Variants in TNR observed in about 807,000 individuals in gnomAD.
TNR encodes tenascin-R.
In TNR, 45 loss-of-function variants were observed where a neutral mutation model predicts 150.4. The ratio of observed to expected loss-of-function variants is 0.30; its 90% CI spans 0.24 to 0.38. The LOEUF is 0.38. Among genes scored for constraint, TNR ranks in the 10% least tolerant of loss-of-function variants. The pLI is 1.00. For missense variants in TNR, 1,544 were observed against 1,759.1 expected (o/e 0.88, Z 2.19); for synonymous variants, 687 against 678.4 (o/e 1.01, Z -0.20).
At chr1:175,740,284 A>T (rs901019291) in intron 1 of TNR, among the ~76,000 whole-genome samples, 1 of 152,240 alleles carries the variant, frequency 6.6e-6, no homozygotes, top group African/African-American at 2.4e-5. Flanking sequence ...TCAGAAAGTG[A>T]TGGTGTTGGG....
intron 2 of TNR, among the ~76,000 whole-genome samples, chr1:175,425,167 T>A (rs1277991432): frequency 6.6e-6 from 1 of 152,108 alleles, no homozygotes; most frequent in Non-Finnish European, 1.5e-5. Flanking sequence ...GGTGTGGAGC[T>A]TGGGAATCAT....
At chr1:175,337,706 A>AAAGGAT in intron 18 of TNR, 27 bp from the exon 19 acceptor site, 2 of 1,612,436 alleles carry the variant, frequency 1.2e-6, no homozygotes, top group Non-Finnish European at 1.7e-6. Flanking sequence ...CAATGTCCAG[A>AAAGGAT]AAGGATTCTT....
intron 2 of TNR, among the ~76,000 whole-genome samples, chr1:175,407,696 C>CTGTTGGATTTACTGTTGGAG (rs1395551110): frequency 6.6e-6 from 1 of 152,212 alleles, no homozygotes; most frequent in Non-Finnish European, 1.5e-5. Context: ...CTAGGATTTA[C>CTGTTGGATTTACTGTTGGAG]TGTATTTGCA....
intron 1 of TNR, among the ~76,000 whole-genome samples, chr1:175,533,113 C>T (rs1277463862): frequency 3.9e-5 from 6 of 152,198 alleles, no homozygotes; most frequent in Non-Finnish European, 2.9e-5. Flanking sequence ...AAAGACATTT[C>T]TCTTTCTTGT....
chr1:175,612,212 C>G (rs1663620927), intron 1 of TNR, among the ~76,000 whole-genome samples: 1 of 152,156 alleles, frequency 6.6e-6, no homozygotes, highest in African/African-American at 2.4e-5. Context: ...CTCTGTTAAT[C>G]TCAGAGGTTA....
intron 1 of TNR, among the ~76,000 whole-genome samples, chr1:175,622,585 A>G (rs186121134): frequency 1.3e-5 from 2 of 152,336 alleles, no homozygotes; most frequent in African/African-American, 4.8e-5. Context: ...CGCATGTTTA[A>G]GGCCCCAGTA....
At chr1:175,731,928 T>C (rs564246640) in intron 1 of TNR, among the ~76,000 whole-genome samples, 5 of 152,364 alleles carry the variant, frequency 3.3e-5, no homozygotes, top group Non-Finnish European at 5.9e-5. Flanking sequence ...GGTTTGCTGC[T>C]GTGTCTGGCA....
At chr1:175,385,464 A>C (rs1390465532) in intron 8 of TNR, among the ~76,000 whole-genome samples, 2 of 152,220 alleles carry the variant, frequency 1.3e-5, no homozygotes, top group African/African-American at 4.8e-5. Flanking sequence ...TGTGGGAGTC[A>C]GCCTCATATT....
intron 1 of TNR, among the ~76,000 whole-genome samples, chr1:175,562,028 C>T (rs761745035): frequency 4.6e-5 from 7 of 152,142 alleles, no homozygotes; most frequent in Non-Finnish European, 1.0e-4. Flanking sequence ...GACTTCCTGC[C>T]ATCACCTGTG....
At chr1:175,481,866 T>C (rs1657823610) in intron 2 of TNR, among the ~76,000 whole-genome samples, 1 of 152,124 alleles carries the variant, frequency 6.6e-6, no homozygotes, top group Non-Finnish European at 1.5e-5. Flanking sequence ...CAGAAAGCAC[T>C]GTCCTGCTGC....
Position 175,641,997 on chromosome 1 carries a change from T to C in TNR, c.-165+101229A>G, listed in dbSNP as rs184670760. Among the ~76,000 whole-genome samples, 139 of 152,302 alleles carry C rather than the reference T, an allele frequency of 9.1e-4. 1 individual carries two copies. The highest frequency in any genetic ancestry group is 3.3e-3 in the African/African-American group (136 of 41,568). On this transcript the variant is annotated intron_variant, in intron 1 of 22. Coordinates refer to ENST00000367674, the MANE Select transcript of TNR (RefSeq NM_003285.3). Reference sequence around the variant, plus strand: ...ATGATGATTAATAAAACCCTGTCCCTGCTATCAAGTAGGTCATAATCAGAG... The same window carrying C: ...ATGATGATTAATAAAACCCTGTCCCCGCTATCAAGTAGGTCATAATCAGAG...
intron 2 of TNR, among the ~76,000 whole-genome samples, chr1:175,458,821 T>C (rs1031645272): frequency 2.0e-5 from 3 of 152,162 alleles, no homozygotes; most frequent in African/African-American, 7.2e-5. Context: ...GCAAAGATTA[T>C]ATTGTTACAC....
At chr1:175,718,883 G>GT (rs1172609368) in intron 1 of TNR, among the ~76,000 whole-genome samples, 1 of 152,190 alleles carries the variant, frequency 6.6e-6, no homozygotes, top group Non-Finnish European at 1.5e-5. Flanking sequence ...CTTAGACTCT[G>GT]TTGGTGCTGG....
Position 175,370,760 on chromosome 1 carries a change from C to T in TNR, c.1964-3463G>A, listed in dbSNP as rs553857699. On this transcript the variant is annotated intron_variant, in intron 9 of 22. Transcript: ENST00000367674. ...ATTCTCCAACATAGATGAAGGGTGA[C>T]AGATGGAGGGAGTAAGACAGAAATT... is the stretch of plus-strand genomic sequence containing the variant. Among the ~76,000 whole-genome samples, 10 of 152,246 alleles carry T rather than the reference C, an allele frequency of 6.6e-5. 1 individual carries two copies. In the Middle Eastern group the frequency reaches 0.017, roughly 259 times the overall value.
At chr1:175,373,449 T>C (rs951844770) in intron 9 of TNR, among the ~76,000 whole-genome samples, 3 of 152,200 alleles carry the variant, frequency 2.0e-5, no homozygotes, top group Non-Finnish European at 4.4e-5. Flanking sequence ...CTTTGGATAA[T>C]GACAGGTGCA....
intron 1 of TNR, among the ~76,000 whole-genome samples, chr1:175,595,345 T>C (rs1662967399): frequency 1.3e-5 from 2 of 152,180 alleles, no homozygotes; most frequent in South Asian, 2.1e-4. Context: ...CCAAATAAGA[T>C]GCAAAAGCAA....
rs535627596 is a variant in TNR at position 175,347,100 on chromosome 1, T to C, written c.3382+7291A>G. On this transcript the variant is annotated intron_variant, in intron 18 of 22. Transcript: ENST00000367674. Reference sequence around the variant, plus strand: ...GTAGCTAACCATATATAACAGTGCATTAACAAATCATATTCAGGAGAGATT... The same window carrying C: ...GTAGCTAACCATATATAACAGTGCACTAACAAATCATATTCAGGAGAGATT... 5.3e-5 allele frequency among the ~76,000 whole-genome samples: 8 copies of C among 152,268 alleles called. No homozygotes were observed. The East Asian group carries it at 1.3e-3, about 26-fold the overall frequency.
chr1:175,560,954 A>G lies in TNR; in HGVS notation c.-164-32585T>C, dbSNP rs144768221. The stretch of plus-strand genomic sequence containing the variant: ...TGTTGAAAGATCTTGCCTTTTGGTA[A>G]AGAAACAAAATACTTGAGTGATTCT... On this transcript the variant is annotated intron_variant, in intron 1 of 22. Transcript: ENST00000367674. Among the ~76,000 whole-genome samples the G allele has an allele frequency of 5.4e-4, 83 of 152,312 alleles. No individual in the cohort carries two copies. The Middle Eastern group carries it at 0.02, about 37-fold the overall frequency.
At chr1:175,737,499 G>A (rs1187091942) in intron 1 of TNR, among the ~76,000 whole-genome samples, 1 of 152,192 alleles carries the variant, frequency 6.6e-6, no homozygotes. Flanking sequence ...GCCCAGGAAT[G>A]TGAATTTTTA....
Sources: allele counts gnomAD v4.1 joint callset (sites outside exome capture counted in the v4.1 genomes callset), GRCh38; gene constraint gnomAD v4.1.1; transcripts MANE v1.5; gene names NCBI Gene and HGNC (gene_info 2026-07-23, HGNC 2026-07-21).